KCNH7: variants seen among roughly 807,000 people sequenced by gnomAD.
KCNH7 encodes voltage-gated inwardly rectifying potassium channel KCNH7.
In KCNH7, 49 loss-of-function variants were observed where a neutral mutation model predicts 120.8. The observed-to-expected ratio is 0.41, with a 90% CI of 0.32 to 0.51. The LOEUF is 0.51. Ranked by LOEUF, KCNH7 falls within the 20% of genes least tolerant of loss-of-function variation. The pLI, the probability that KCNH7 is intolerant of heterozygous loss-of-function variation, is 0.38. For synonymous variants in KCNH7, 547 were observed against 516.1 expected (o/e 1.06, Z -0.81); for missense variants, 1,097 against 1,446.6 (o/e 0.76, Z 3.92).
chr2:162,587,562 C>T (rs1033862606), intron 2 of KCNH7, among the ~76,000 whole-genome samples: 1 of 152,002 alleles, frequency 6.6e-6, no homozygotes, highest in African/African-American at 2.4e-5. Context: ...GCAGAAAAAA[C>T]ACGTTTATAT....
At chr2:162,630,487 A>T (rs958211128) in intron 2 of KCNH7, among the ~76,000 whole-genome samples, 2 of 152,060 alleles carry the variant, frequency 1.3e-5, no homozygotes, top group African/African-American at 4.8e-5. Flanking sequence ...ACATGGAAAA[A>T]AAAGACGCAA....
intron 6 of KCNH7, among the ~76,000 whole-genome samples, chr2:162,448,086 A>G (rs550570086): frequency 1.3e-5 from 2 of 152,220 alleles, no homozygotes; most frequent in African/African-American, 4.8e-5. Flanking sequence ...GCAAAAGAGC[A>G]ATCTGGAAAA....
At chr2:162,748,963 CTTCCTTCCTTCCTTCCTTCCTTCCTTCT>C (rs1421556332) in intron 2 of KCNH7, among the ~76,000 whole-genome samples, 3 of 136,658 alleles carry the variant, frequency 2.2e-5, no homozygotes, top group South Asian at 2.6e-4. Context: ...TCCTTCCTTC[CTTCCTTCCTTCCTTCCTTCCTTCCTTCT>C]TTCCTCTCTT....
intron 9 of KCNH7, among the ~76,000 whole-genome samples, chr2:162,414,459 T>C (rs1008342533): frequency 8.6e-5 from 13 of 151,370 alleles, no homozygotes; most frequent in Admixed American, 4.6e-4. Context: ...ATAGTTATAG[T>C]ATATAAAATA....
At chr2:162,491,264 T>G (rs1574022720) in intron 6 of KCNH7, among the ~76,000 whole-genome samples, 1 of 152,192 alleles carries the variant, frequency 6.6e-6, no homozygotes, top group East Asian at 1.9e-4. Context: ...CCAGGCATTG[T>G]CCCCACCCTG....
chr2:162,435,674 AAAAC>A, intron 7 of KCNH7, 77 bp from the exon 8 acceptor site: 1 of 1,405,988 alleles, frequency 7.1e-7, no homozygotes. Context: ...AAAGTGGACA[AAAAC>A]AGGTTAAGAC....
At chr2:162,547,451 T>C (rs1036826564) in intron 2 of KCNH7, among the ~76,000 whole-genome samples, 1 of 152,138 alleles carries the variant, frequency 6.6e-6, no homozygotes, top group African/African-American at 2.4e-5. Flanking sequence ...ATTTTATTGC[T>C]CCCATGCCCA....
At chr2:162,672,400 T>C (rs1685390661) in intron 2 of KCNH7, among the ~76,000 whole-genome samples, 1 of 152,028 alleles carries the variant, frequency 6.6e-6, no homozygotes, top group Non-Finnish European at 1.5e-5. Context: ...AACACACTTG[T>C]AAATGTAACT....
In KCNH7 at chr2:162,426,080, G is replaced by A. The variant is rs375599317; in HGVS notation, c.1955-2545C>T. ...AATACAAACATTAGCCAGGTATGGT[G>A]GTGTGCGCCTGTAGCACCAGCTATT... On this transcript the variant is annotated intron_variant, in intron 8 of 15. Coordinates refer to ENST00000332142, the MANE Select transcript of KCNH7 (RefSeq NM_033272.4). Among the ~76,000 whole-genome samples the A allele has an allele frequency of 1.7e-4, 26 of 152,048 alleles. No individual in the cohort carries two copies. The East Asian group carries it at 2.7e-3, about 16-fold the overall frequency.
intron 9 of KCNH7, among the ~76,000 whole-genome samples, chr2:162,420,182 C>G (rs7574404): frequency 2.0e-5 from 3 of 152,092 alleles, no homozygotes. Flanking sequence ...CCAAGACCAT[C>G]CTGGCCAACA....
At chr2:162,603,135 G>C (rs1403691552) in intron 2 of KCNH7, among the ~76,000 whole-genome samples, 1 of 151,722 alleles carries the variant, frequency 6.6e-6, no homozygotes, top group African/African-American at 2.4e-5. Flanking sequence ...GAGGTGTAGG[G>C]TCACTAGTTT....
chr2:162,577,326 T>TATCTATC (rs1472224178), intron 2 of KCNH7, among the ~76,000 whole-genome samples: 2 of 140,826 alleles, frequency 1.4e-5, no homozygotes, highest in South Asian at 2.2e-4. Flanking sequence ...TCTATCTATC[T>TATCTATC]ATCTGTCTAT....
chr2:162,709,195 C>G (rs2105355048), intron 2 of KCNH7, among the ~76,000 whole-genome samples: 1 of 151,948 alleles, frequency 6.6e-6, no homozygotes, highest in African/African-American at 2.4e-5. Flanking sequence ...TCATTTTAGT[C>G]CTGGAGAAAA....
chr2:162,503,877 T>C (rs1190208695), intron 6 of KCNH7, among the ~76,000 whole-genome samples: 1 of 152,088 alleles, frequency 6.6e-6, no homozygotes, highest in East Asian at 1.9e-4. Context: ...TCTGAAGCAG[T>C]ATACCTGCTA....
chr2:162,826,674 T>C (rs996258840), intron 2 of KCNH7, among the ~76,000 whole-genome samples: 1 of 152,138 alleles, frequency 6.6e-6, no homozygotes, highest in Admixed American at 6.6e-5. Flanking sequence ...CTCTGACACC[T>C]TTCACAGATA....
intron 2 of KCNH7, among the ~76,000 whole-genome samples, chr2:162,659,896 T>C (rs1684901028): frequency 1.3e-5 from 2 of 152,184 alleles, no homozygotes; most frequent in African/African-American, 4.8e-5. Flanking sequence ...GAACTCACCA[T>C]TGAACTCATC....
At chr2:162,626,239 A>G (rs141668977) in intron 2 of KCNH7, among the ~76,000 whole-genome samples, 3 of 152,190 alleles carry the variant, frequency 2.0e-5, no homozygotes, top group Admixed American at 6.6e-5. Flanking sequence ...GTTAATTAAG[A>G]CAATAAATAT....
intron 2 of KCNH7, among the ~76,000 whole-genome samples, chr2:162,771,027 A>G (rs1301011745): frequency 6.6e-6 from 1 of 152,040 alleles, no homozygotes; most frequent in African/African-American, 2.4e-5. Flanking sequence ...ACTTGGTACA[A>G]TCTCATGGAT....
intron 6 of KCNH7, among the ~76,000 whole-genome samples, chr2:162,468,002 T>C (rs1689364338): frequency 6.6e-6 from 1 of 152,140 alleles, no homozygotes; most frequent in Admixed American, 6.5e-5. Flanking sequence ...TTTAATAACA[T>C]CACACTGGGA....
Sources: allele counts gnomAD v4.1 joint callset (sites outside exome capture counted in the v4.1 genomes callset), GRCh38; gene constraint gnomAD v4.1.1; transcripts MANE v1.5; gene names NCBI Gene and HGNC (gene_info 2026-07-23, HGNC 2026-07-21).